The following ZNF804B variants were observed in gnomAD, a reference collection of about 807,000 sequenced individuals.
ZNF804B encodes the protein zinc finger 804B.
ZNF804B carries 80 observed loss-of-function variants against 101.4 expected under a neutral mutation model. The observed-to-expected ratio is 0.79, with a 90% CI of 0.66 to 0.95. The LOEUF (loss-of-function observed/expected upper bound fraction) is 0.95, where lower values mean the gene tolerates loss of function less well. Ranked by LOEUF, ZNF804B falls within the 40% of genes least tolerant of loss-of-function variation. The pLI, the probability that ZNF804B is intolerant of heterozygous loss-of-function variation, is 0.00. For missense variants in ZNF804B, 1,673 were observed against 1,561.9 expected (o/e 1.07, Z -1.20); for synonymous variants, 622 against 558.8 (o/e 1.11, Z -1.59).
At chr7:88,997,493 A>G (rs1003986986) in intron 1 of ZNF804B, among the ~76,000 whole-genome samples, 10 of 152,086 alleles carry the variant, frequency 6.6e-5, no homozygotes, top group African/African-American at 2.4e-4. Context: ...TCACTATTGG[A>G]TATTAACTGA....
At chr7:88,893,355 A>G (rs2115935054) in intron 1 of ZNF804B, among the ~76,000 whole-genome samples, 1 of 152,212 alleles carries the variant, frequency 6.6e-6, no homozygotes, top group African/African-American at 2.4e-5. Context: ...GCTTTATTAC[A>G]CAGATTTAAA....
intron 1 of ZNF804B, among the ~76,000 whole-genome samples, chr7:88,837,374 C>G (rs528450083): frequency 6.6e-6 from 1 of 151,968 alleles, no homozygotes; most frequent in Non-Finnish European, 1.5e-5. Flanking sequence ...GAGTTGAGAG[C>G]TTCCCAATAC....
intron 1 of ZNF804B, among the ~76,000 whole-genome samples, chr7:89,194,687 C>G (rs1342635813): frequency 1.3e-5 from 2 of 151,190 alleles, no homozygotes; most frequent in Non-Finnish European, 3.0e-5. Context: ...TGTTTTGGTA[C>G]CAGTACCATG....
chr7:89,218,288 A>G lies in ZNF804B; in HGVS notation c.242A>G (p.His81Arg). Residue 81 changes from histidine to arginine, a missense_variant, in exon 2 of 4, where the codon CAT becomes CGT. Coordinates refer to ENST00000333190, the MANE Select transcript of ZNF804B (RefSeq NM_181646.5). ...DNHINSYDHA[H>R]KQRLKELKQR... Reference sequence around the variant, plus strand: ...CATATTAATTCTTATGACCATGCTCATAAGCAGGTAAGGCAAAGTGGGAAA... The same window carrying G: ...CATATTAATTCTTATGACCATGCTCGTAAGCAGGTAAGGCAAAGTGGGAAA... 1 of 1,613,610 alleles carries G rather than the reference A, an allele frequency of 6.2e-7. No individual in the cohort carries two copies. Among genetic ancestry groups the G allele is most frequent in the Non-Finnish European group, 8.5e-7 (1 of 1,179,702 alleles).
chr7:89,258,372 A>G (rs1405232930), intron 2 of ZNF804B, among the ~76,000 whole-genome samples: 1 of 152,152 alleles, frequency 6.6e-6, no homozygotes, highest in Non-Finnish European at 1.5e-5. Flanking sequence ...CTGCTAGTCT[A>G]ATGAATAATG....
At position 88,970,864 on chromosome 7, in the gene ZNF804B, C is replaced by T. The variant is rs574514623; in HGVS notation, c.108+210780C>T. Reference sequence around the variant, plus strand: ...GGATAGCATTAGGAGGTATACCTAACGCTAAATGACAAGTTAATGGGTGCA... The same window carrying T: ...GGATAGCATTAGGAGGTATACCTAATGCTAAATGACAAGTTAATGGGTGCA... On this transcript the variant is annotated intron_variant, in intron 1 of 3. Coordinates refer to ENST00000333190, the MANE Select transcript of ZNF804B (RefSeq NM_181646.5). Among the ~76,000 whole-genome samples the T allele has an allele frequency of 2.5e-4, 38 of 150,186 alleles. 1 individual carries two copies. The highest frequency in any genetic ancestry group is 3.4e-3 in the Middle Eastern group (1 of 294).
At chr7:89,323,196 T>C (rs908910468) in intron 2 of ZNF804B, among the ~76,000 whole-genome samples, 1 of 152,204 alleles carries the variant, frequency 6.6e-6, no homozygotes, top group Non-Finnish European at 1.5e-5. Flanking sequence ...TGCAGGCAAC[T>C]TGATCTTGAA....
At chr7:89,106,288 A>G (rs950765299) in intron 1 of ZNF804B, among the ~76,000 whole-genome samples, 2 of 152,168 alleles carry the variant, frequency 1.3e-5, no homozygotes, top group African/African-American at 4.8e-5. Flanking sequence ...ACATGTGCTA[A>G]AAGCATAGCC....
Position 89,336,586 on chromosome 7 carries a change from C to G in ZNF804B, c.3604C>G (p.Gln1202Glu). ...ASTVQTVPVH[Q>E]HTSITTIHHT... is the part of the protein sequence containing the mutation. ...AACCGTACAGACAGTTCCAGTTCAC[C>G]AGCACACTTCTATCACCACCATCCA... The change falls in exon 4 of 4, where the codon CAG becomes GAG. Residue 1202 changes from glutamine to glutamate, a missense_variant. Physicochemically the swap from Gln to Glu is conservative, Grantham distance 29 (BLOSUM62 2). Coordinates refer to ENST00000333190, the MANE Select transcript of ZNF804B (RefSeq NM_181646.5). The G allele has an allele frequency of 6.2e-7, 1 of 1,614,142 alleles. No homozygotes were observed. Among genetic ancestry groups the G allele is most frequent in the South Asian group, 1.1e-5 (1 of 91,088 alleles).
intron 1 of ZNF804B, among the ~76,000 whole-genome samples, chr7:88,947,060 T>C (rs969220416): frequency 1.3e-5 from 2 of 151,902 alleles, no homozygotes; most frequent in Non-Finnish European, 2.9e-5. Context: ...CTTTTACACT[T>C]TTTTTGGGAG....
intron 1 of ZNF804B, among the ~76,000 whole-genome samples, chr7:88,922,144 T>C (rs1404888667): frequency 6.6e-6 from 1 of 152,024 alleles, no homozygotes; most frequent in African/African-American, 2.4e-5. Flanking sequence ...CTCAACCTAT[T>C]AGTCCCATTC....
chr7:88,862,470 G>A (rs1791664460), intron 1 of ZNF804B, among the ~76,000 whole-genome samples: 2 of 152,086 alleles, frequency 1.3e-5, no homozygotes, highest in Non-Finnish European at 2.9e-5. Context: ...TTAAACCCAA[G>A]CAACATGGAA....
chr7:89,162,137 G>A (rs1791075028), intron 1 of ZNF804B, among the ~76,000 whole-genome samples: 2 of 151,978 alleles, frequency 1.3e-5, no homozygotes, highest in Admixed American at 1.3e-4. Context: ...GGGGCGGGGG[G>A]AAGTCTTATT....
At chr7:89,038,091 A>G (rs10808074) in intron 1 of ZNF804B, among the ~76,000 whole-genome samples, 75,958 of 151,970 alleles carry the variant, frequency 0.5, 19,483 homozygotes, top group African/African-American at 0.54. Context: ...GTGCACTTAC[A>G]TTGATTCCAT....
intron 1 of ZNF804B, among the ~76,000 whole-genome samples, chr7:89,128,257 A>T (rs1358034250): frequency 6.6e-6 from 1 of 151,918 alleles, no homozygotes; most frequent in Non-Finnish European, 1.5e-5. Flanking sequence ...GCAATATTAA[A>T]ATTGAACACA....
chr7:89,173,054 T>C (rs1358500178), intron 1 of ZNF804B, among the ~76,000 whole-genome samples: 1 of 152,132 alleles, frequency 6.6e-6, no homozygotes, highest in Non-Finnish European at 1.5e-5. Context: ...GCATGGGCCC[T>C]CCTGGGGTAT....
chr7:89,285,522 CAAAAAAAAAAA>C (rs778078214), intron 2 of ZNF804B, among the ~76,000 whole-genome samples: 2 of 22,394 alleles, frequency 8.9e-5, no homozygotes, highest in Admixed American at 1.6e-3. Context: ...GACTCTGTCT[CAAAAAAAAAAA>C]AAAAAAAAAA....
intron 1 of ZNF804B, among the ~76,000 whole-genome samples, chr7:89,090,033 A>G (rs1789859473): frequency 6.6e-6 from 1 of 152,138 alleles, no homozygotes; most frequent in Non-Finnish European, 1.5e-5. Flanking sequence ...AGATCTGGCC[A>G]TTACAACTGT....
At position 89,044,957 on chromosome 7, in the gene ZNF804B, A is replaced by C. The variant is rs147216108; in HGVS notation, c.109-173198A>C. ...GGAAAATATTTCCAGGTCATGTCAG[A>C]GACCTTCACAGTAGCCCCATCCATC... On this transcript the variant is annotated intron_variant, in intron 1 of 3. Transcript: ENST00000333190. Among the ~76,000 whole-genome samples, 1,201 of 152,364 alleles carry C rather than the reference A, an allele frequency of 7.9e-3. 20 individuals are homozygous for C. The highest frequency in any genetic ancestry group is 0.027 in the African/African-American group (1,136 of 41,584).
Sources: allele counts gnomAD v4.1 joint callset (sites outside exome capture counted in the v4.1 genomes callset), GRCh38; gene constraint gnomAD v4.1.1; transcripts MANE v1.5; gene names NCBI Gene and HGNC (gene_info 2026-07-23, HGNC 2026-07-21).